Variants in ATF7IP observed in about 807,000 individuals in gnomAD.
The protein encoded by ATF7IP is activating transcription factor 7 interacting protein, also known as activating transcription factor 7-interacting protein 1.
A neutral mutation model predicts 106.4 loss-of-function variants in ATF7IP; 23 were observed. The ratio of observed to expected loss-of-function variants is 0.22; its 90% CI spans 0.16 to 0.31. The LOEUF (loss-of-function observed/expected upper bound fraction) is 0.31. ATF7IP is among the 10% of genes least tolerant of loss of function. The pLI is 1.00. For synonymous variants in ATF7IP, 542 were observed against 539.0 expected, an observed-to-expected ratio of 1.01 and a Z score of -0.08; for missense variants, 1,334 against 1,524.3, an observed-to-expected ratio of 0.88 and a Z score of 2.08.
chr12:14,481,962 A>G (rs1179254188), intron 13 of ATF7IP: 3 of 153,060 alleles, frequency 2.0e-5, no homozygotes, highest in African/African-American at 7.2e-5. Context: ...ATGACATTTT[A>G]AAATTATATA....
chr12:14,469,937 G>A (rs1404780987), intron 10 of ATF7IP, among the ~76,000 whole-genome samples: 1 of 152,136 alleles, frequency 6.6e-6, no homozygotes, highest in Non-Finnish European at 1.5e-5. Flanking sequence ...AGGGTCTGAG[G>A]TTTTTTGGAG....
intron 1 of ATF7IP, chr12:14,367,399 G>A (rs1302679263): frequency 1.3e-5 from 2 of 152,022 alleles, no homozygotes; most frequent in African/African-American, 4.8e-5. Context: ...TTGACCTGAT[G>A]TAATTCTTGG....
At chr12:14,454,678 A>G (rs1010504001) in intron 6 of ATF7IP, among the ~76,000 whole-genome samples, 1 of 152,140 alleles carries the variant, frequency 6.6e-6, no homozygotes, top group African/African-American at 2.4e-5. Context: ...CATGCAGGCA[A>G]TATGATGCTT....
At position 14,478,460 on chromosome 12, in the gene ATF7IP, T is replaced by A. The variant is rs151175064; in HGVS notation, c.3085T>A (p.Leu1029Ile). ...TGGACCATCTCAGACCACCATACACTTACTACCTACAGGTAAATTTGTTGA... is the reference window on the plus strand; with the variant it reads ...TGGACCATCTCAGACCACCATACACATACTACCTACAGGTAAATTTGTTGA... The part of the protein sequence containing the change: ...TSGPSQTTIH[L>I]LPTAPTTVNV... Residue 1029 changes from leucine (L) to isoleucine (I), a missense_variant, in exon 12 of 15, where the codon TTA becomes ATA. Physicochemically the swap from Leu to Ile is conservative, Grantham distance 5. Transcript: ENST00000261168. 6.2e-7 allele frequency: 1 copy of A among 1,613,538 alleles called. No homozygotes were observed. The highest frequency in any genetic ancestry group is 1.3e-5 in the African/African-American group (1 of 74,896).
intron 1 of ATF7IP, among the ~76,000 whole-genome samples, chr12:14,396,260 C>G (rs1405885071): frequency 6.6e-6 from 1 of 152,024 alleles, no homozygotes; most frequent in African/African-American, 2.4e-5. Flanking sequence ...CTTTCTGTAA[C>G]CAAAGTGTTA....
chr12:14,409,313 T>C (rs928290871), intron 1 of ATF7IP, among the ~76,000 whole-genome samples: 1 of 152,090 alleles, frequency 6.6e-6, no homozygotes, highest in Non-Finnish European at 1.5e-5. Flanking sequence ...CAAAGCCATA[T>C]GTAACATCAG....
intron 14 of ATF7IP, among the ~76,000 whole-genome samples, chr12:14,497,203 A>G (rs1333271428): frequency 2.6e-5 from 4 of 152,206 alleles, no homozygotes; most frequent in African/African-American, 9.6e-5. Flanking sequence ...CTTATTTATA[A>G]ATAACTTAAA....
chr12:14,385,824 A>G (rs954397833), intron 1 of ATF7IP, among the ~76,000 whole-genome samples: 1 of 151,918 alleles, frequency 6.6e-6, no homozygotes, highest in Admixed American at 6.6e-5. Context: ...TTTGTGAGGT[A>G]TTGTGTGGAA....
intron 1 of ATF7IP, among the ~76,000 whole-genome samples, chr12:14,402,522 T>C (rs894460366): frequency 2.1e-4 from 32 of 152,140 alleles, no homozygotes; most frequent in Non-Finnish European, 3.8e-4. Context: ...ATTTTTTTTT[T>C]ACATTGAGTC....
intron 13 of ATF7IP, among the ~76,000 whole-genome samples, chr12:14,489,674 A>T (rs1944743869): frequency 6.6e-6 from 1 of 152,152 alleles, no homozygotes; most frequent in Non-Finnish European, 1.5e-5. Flanking sequence ...TGGCATTGTA[A>T]TTGTGACTTC....
At chr12:14,469,159 T>C (rs929161928) in intron 10 of ATF7IP, among the ~76,000 whole-genome samples, 1 of 152,066 alleles carries the variant, frequency 6.6e-6, no homozygotes, top group Middle Eastern at 3.4e-3. Context: ...TCACTTGAGG[T>C]CAGGAGTTCG....
At chr12:14,368,725 T>G (rs34958125) in intron 1 of ATF7IP, among the ~76,000 whole-genome samples, 1 of 152,168 alleles carries the variant, frequency 6.6e-6, no homozygotes, top group Non-Finnish European at 1.5e-5. Flanking sequence ...TTTGTTATTG[T>G]TTTATATATG....
intron 1 of ATF7IP, among the ~76,000 whole-genome samples, chr12:14,397,296 C>T (rs2136452112): frequency 6.6e-6 from 1 of 152,264 alleles, no homozygotes; most frequent in South Asian, 2.1e-4. Flanking sequence ...TCTTTGAGTT[C>T]CTAAAAAGTG....
Position 14,424,447 on chromosome 12 carries a change from G to A in ATF7IP, c.532G>A (p.Asp178Asn), listed in dbSNP as rs1271165390. ...TGCCTCTGGTGATGCAACCTCTGGT[G>A]ATGCCCCTTCTGGTGATGTGTCCCC... The part of the protein sequence containing the change: ...DAASGDATSG[D>N]APSGDVSPGD... The change falls in exon 2 of 15, where the codon GAT (aspartate) becomes AAT (asparagine). Residue 178 changes from aspartate to asparagine, a missense_variant. This residue lies in a region of ATF7IP where 438 missense variants were observed against 405.3 expected (regional missense o/e 1.08). Coordinates refer to ENST00000261168, the MANE Select transcript of ATF7IP (RefSeq NM_018179.5). 2 of 1,611,684 alleles carry A rather than the reference G, an allele frequency of 1.2e-6. No homozygotes were observed. The highest frequency in any genetic ancestry group is 2.7e-5 in the African/African-American group (2 of 74,838).
At chr12:14,367,410 A>G (rs1938353186) in intron 1 of ATF7IP, 1 of 152,020 alleles carries the variant, frequency 6.6e-6, no homozygotes, top group Non-Finnish European at 1.5e-5. Flanking sequence ...TAATTCTTGG[A>G]TCTCTGAGGT....
chr12:14,412,091 TGTA>T (rs1940953102), intron 1 of ATF7IP, among the ~76,000 whole-genome samples: 1 of 152,200 alleles, frequency 6.6e-6, no homozygotes, highest in Admixed American at 6.5e-5. Flanking sequence ...GACAATTTAC[TGTA>T]AAAGTGAGGG....
At chr12:14,466,390 T>C (rs1004107625) in intron 9 of ATF7IP, 136 bp from the exon 10 acceptor site, 122 of 692,068 alleles carry the variant, frequency 1.8e-4, no homozygotes, top group Non-Finnish European at 3.0e-4. Context: ...GGTCTGTGAA[T>C]TTGAGTTTTT....
chr12:14,451,690 C>T (rs140766749), intron 6 of ATF7IP, among the ~76,000 whole-genome samples: 150 of 151,728 alleles, frequency 9.9e-4, no homozygotes, highest in African/African-American at 3.4e-3. Context: ...CTGCTGTTGA[C>T]GTCAAGTTTC....
At chr12:14,457,726 G>T (rs2111509) in intron 8 of ATF7IP, among the ~76,000 whole-genome samples, 49,613 of 152,020 alleles carry the variant, frequency 0.33, 9,283 homozygotes, top group Admixed American at 0.47. Flanking sequence ...TACATCCATT[G>T]ATATTTATTA....
Sources: allele counts gnomAD v4.1 joint callset (sites outside exome capture counted in the v4.1 genomes callset), GRCh38; gene constraint gnomAD v4.1.1; regional missense constraint gnomAD v4.1.1; transcripts MANE v1.5; gene names NCBI Gene and HGNC (gene_info 2026-07-23, HGNC 2026-07-21).